The following ABCG1 variants were observed in gnomAD, a reference collection of about 807,000 sequenced individuals.
ABCG1 encodes the protein ATP binding cassette subfamily G member 1, also known as ATP-binding cassette sub-family G member 1.
ABCG1 carries 29 observed loss-of-function variants against 69.2 expected under a neutral mutation model. The ratio of observed to expected loss-of-function variants is 0.42; its 90% CI spans 0.31 to 0.57. The LOEUF (loss-of-function observed/expected upper bound fraction) is 0.57, where lower values mean the gene tolerates loss of function less well. Ranked by LOEUF, ABCG1 falls within the 20% of genes least tolerant of loss-of-function variation. The pLI is 0.15. For synonymous variants in ABCG1, 370 were observed against 374.8 expected, an observed-to-expected ratio of 0.99 and a Z score of 0.15; for missense variants, 718 against 898.1, an observed-to-expected ratio of 0.80 and a Z score of 2.56.
rs769492773 is a variant in ABCG1 at position 42,248,750 on chromosome 21, A to AAC, written c.287-22319_287-22318insCA. Reference sequence around the variant, plus strand: ...AAAATAAAAAAATTTAAAAAATTAAAAAAAAAAACACCTGGGCATGGTGGT... The same window carrying AAC: ...AAAATAAAAAAATTTAAAAAATTAAAACAAAAAAAACACCTGGGCATGGTGGT... On this transcript the variant is annotated intron_variant, in intron 2 of 14. Transcript: ENST00000398449. Among the ~76,000 whole-genome samples the AAC allele has an allele frequency of 9.2e-5, 14 of 151,932 alleles. 1 individual carries two copies. The highest frequency in any genetic ancestry group is 2.0e-4 in the Admixed American group (3 of 15,280).
intron 11 of ABCG1, among the ~76,000 whole-genome samples, chr21:42,290,706 G>A (rs2069040243): frequency 6.6e-6 from 1 of 152,106 alleles, no homozygotes; most frequent in African/African-American, 2.4e-5. Context: ...TCCTCCCTAG[G>A]TACCTCCTCC....
chr21:42,270,984 C>T lies in ABCG1; in HGVS notation c.287-86C>T, dbSNP rs140084573. ...ATGCATGTCAAAGGTTGCCTTTGGC[C>T]TTGGTCATGTGTACTTGAACATTTG... On this transcript the variant is annotated intron_variant, in intron 2 of 14. Transcript: ENST00000398449. The T allele has an allele frequency of 6.9e-4, 650 of 936,008 alleles. 4 individuals carry two copies. In the East Asian group the frequency reaches 0.017, roughly 25 times the overall value. 58.0% of individuals were successfully genotyped at this position (936,008 alleles called of 1,614,324 possible).
At chr21:42,248,757 A>C (rs1459411555) in intron 2 of ABCG1, among the ~76,000 whole-genome samples, 1 of 151,814 alleles carries the variant, frequency 6.6e-6, no homozygotes, top group East Asian at 1.9e-4. Context: ...TAAAAAAAAA[A>C]ACACCTGGGC....
chr21:42,250,541 C>G (rs909621713), intron 2 of ABCG1, among the ~76,000 whole-genome samples: 1 of 152,172 alleles, frequency 6.6e-6, no homozygotes, highest in Non-Finnish European at 1.5e-5. Context: ...GAAAACAGGG[C>G]TGGGACCTCC....
chr21:42,248,633 A>G (rs1204032429), intron 2 of ABCG1, among the ~76,000 whole-genome samples: 1 of 152,130 alleles, frequency 6.6e-6, no homozygotes, highest in Non-Finnish European at 1.5e-5. Flanking sequence ...CACGCCTGTA[A>G]TCTCAGAACT....
chr21:42,287,009 G>C lies in ABCG1; in HGVS notation c.974-880G>C, dbSNP rs2068953757. ...GTGGCTTCATCTAGGAGGTGTGGTG[G>C]CCTCCGTACCAGCTGGGAGGAAGCG... On this transcript the variant is annotated intron_variant, in intron 8 of 14. Coordinates refer to ENST00000398449, the MANE Select transcript of ABCG1 (RefSeq NM_016818.3). This position sits in a 1 kb window ranked among gnomAD's most constrained non-coding sequence, Gnocchi z 6.2. Among the ~76,000 whole-genome samples the C allele has an allele frequency of 6.6e-6, 1 of 152,182 alleles. No homozygotes were observed. Among genetic ancestry groups the C allele is most frequent in the Non-Finnish European group, 1.5e-5 (1 of 68,034 alleles).
At chr21:42,236,484 A>T (rs9982016) in intron 2 of ABCG1, among the ~76,000 whole-genome samples, 12,048 of 152,198 alleles carry the variant, frequency 0.079, 756 homozygotes, top group African/African-American at 0.17. Flanking sequence ...ACCCGGCGGG[A>T]CTAGTTCCTT....
intron 2 of ABCG1, among the ~76,000 whole-genome samples, chr21:42,268,699 G>A (rs1569228167): frequency 6.6e-6 from 1 of 152,206 alleles, no homozygotes; most frequent in African/African-American, 2.4e-5. Context: ...AGGGCCAGGT[G>A]GAGTGGACCT....
intron 2 of ABCG1, among the ~76,000 whole-genome samples, chr21:42,251,659 C>T (rs940347275): frequency 1.3e-5 from 2 of 152,108 alleles, no homozygotes; most frequent in South Asian, 2.1e-4. Flanking sequence ...GAATGGGAAA[C>T]GTGTCTGGAA....
chr21:42,283,593 G>A (rs1265056725), intron 6 of ABCG1, among the ~76,000 whole-genome samples: 1 of 152,138 alleles, frequency 6.6e-6, no homozygotes, highest in Non-Finnish European at 1.5e-5. Context: ...AGTGGGGGTG[G>A]TGACTGCGGG....
chr21:42,219,714 C>G lies in ABCG1; in HGVS notation c.42+410C>G. 1 of 1,028,440 alleles carries G rather than the reference C, an allele frequency of 9.7e-7. No homozygotes were observed. The highest frequency in any genetic ancestry group is 1.3e-6 in the Non-Finnish European group (1 of 744,260). 63.7% of individuals were successfully genotyped at this position (1,028,440 alleles called of 1,614,324 possible). On this transcript the variant is annotated intron_variant, in intron 1 of 14. Transcript: ENST00000398449. This position sits in a 1 kb window ranked among gnomAD's most constrained non-coding sequence, Gnocchi z 5.3. ...GAGGGGACTTGAAGAAGGGGAGCCC[C>G]GCGCGCGCGGCTGTGGGCTTGGGGA...
chr21:42,288,097 T>C lies in ABCG1; in HGVS notation c.1122+60T>C. On this transcript the variant is annotated intron_variant, in intron 9 of 14. Transcript: ENST00000398449. This position sits in a 1 kb window ranked among gnomAD's most constrained non-coding sequence, Gnocchi z 4.8. ...AGGTAATGCAAATCCCGAAGCCCCC[T>C]GGGGGAGGCTGCACGTGGCACCGTG... 1 of 1,606,624 alleles carries C rather than the reference T, an allele frequency of 6.2e-7. No homozygotes were observed. The highest frequency in any genetic ancestry group is 8.5e-7 in the Non-Finnish European group (1 of 1,173,966).
intron 5 of ABCG1, 149 bp downstream of exon 5, chr21:42,277,094 G>A (rs2082402479): frequency 5.0e-6 from 4 of 801,108 alleles, no homozygotes; most frequent in Non-Finnish European, 8.3e-6. Flanking sequence ...CAACATTTCA[G>A]GGAGTGCTGT....
At chr21:42,233,514 T>C (rs769185587) in intron 2 of ABCG1, among the ~76,000 whole-genome samples, 3 of 152,252 alleles carry the variant, frequency 2.0e-5, no homozygotes, top group Non-Finnish European at 4.4e-5. Flanking sequence ...AGCTGCAATC[T>C]GTATTTGAGC....
intron 2 of ABCG1, among the ~76,000 whole-genome samples, chr21:42,268,631 C>T (rs561854040): frequency 1.3e-5 from 2 of 152,264 alleles, no homozygotes; most frequent in South Asian, 2.1e-4. Flanking sequence ...AAATAAGTTT[C>T]TAATATTAGA....
At chr21:42,271,208 C>G (rs139252056) in intron 3 of ABCG1, 21 bp downstream of exon 3, 1 of 1,474,378 alleles carries the variant, frequency 6.8e-7, no homozygotes, top group Non-Finnish European at 9.1e-7. Flanking sequence ...CTGCCCAGGG[C>G]GCAAAGTTCT....
intron 7 of ABCG1, among the ~76,000 whole-genome samples, chr21:42,285,460 C>A (rs1024164324): frequency 2.6e-5 from 4 of 151,498 alleles, no homozygotes; most frequent in Non-Finnish European, 5.9e-5. Flanking sequence ...GAGCCAAGAT[C>A]GTGCCACTGC....
At position 42,288,689 on chromosome 21, in the gene ABCG1, CAGAG is replaced by C. The variant is rs1397834437; in HGVS notation, c.1224+383_1224+386del. Among the ~76,000 whole-genome samples, 1 of 148,326 alleles carries C rather than the reference CAGAG, an allele frequency of 6.7e-6. No homozygotes were observed. Among genetic ancestry groups the C allele is most frequent in the Non-Finnish European group, 1.5e-5 (1 of 67,530 alleles). ...CACCACTGCACTCCAGCCTGGGTGA[CAGAG>C]AGAGACTCCCATCTGAAAAAGAAAG... On this transcript the variant is annotated intron_variant, in intron 10 of 14. Transcript: ENST00000398449. This position sits in a 1 kb window ranked among gnomAD's most constrained non-coding sequence, Gnocchi z 4.8.
intron 2 of ABCG1, among the ~76,000 whole-genome samples, chr21:42,241,630 A>C (rs533306973): frequency 4.2e-5 from 6 of 144,294 alleles, no homozygotes; most frequent in East Asian, 2.0e-4. Flanking sequence ...CAAAAAAAAA[A>C]CAAAACCCAA....
Sources: gnomAD v4.1 joint callset for allele counts (sites outside exome capture counted in the v4.1 genomes callset) on GRCh38, gnomAD v4.1.1 for gene constraint, Gnocchi (gnomAD v3.1) non-coding constraint, MANE v1.5 for transcripts, NCBI Gene and HGNC (gene_info 2026-07-23, HGNC 2026-07-21) for gene names.